Variants in KIAA1549 observed in about 807,000 individuals in gnomAD.
KIAA1549 encodes the protein KIAA1549.
KIAA1549 carries 70 observed loss-of-function variants against 156.4 expected under a neutral mutation model. The ratio of observed to expected loss-of-function variants is 0.45; its 90% CI spans 0.37 to 0.55. KIAA1549 has a LOEUF of 0.55. Ranked by LOEUF, KIAA1549 falls within the 20% of genes least tolerant of loss-of-function variation. KIAA1549 has a pLI of 0.00. For missense variants in KIAA1549, 2,428 were observed against 2,540.9 expected, an observed-to-expected ratio of 0.96 and a Z score of 0.96; for synonymous variants, 1,103 against 1,066.4, an observed-to-expected ratio of 1.03 and a Z score of -0.67.
chr7:138,928,525 G>A (rs966054682), intron 1 of KIAA1549, among the ~76,000 whole-genome samples: 1 of 152,030 alleles, frequency 6.6e-6, no homozygotes, highest in African/African-American at 2.4e-5. Context: ...GACCTCAGGT[G>A]ATCCACCCGC....
intron 1 of KIAA1549, among the ~76,000 whole-genome samples, chr7:138,956,720 G>A (rs1481615647): frequency 1.3e-5 from 2 of 152,142 alleles, no homozygotes; most frequent in East Asian, 1.9e-4. Flanking sequence ...CCAATCTCAG[G>A]TATGTCTTTA....
chr7:138,952,786 G>T (rs1335437448), intron 1 of KIAA1549, among the ~76,000 whole-genome samples: 1 of 152,162 alleles, frequency 6.6e-6, no homozygotes, highest in Non-Finnish European at 1.5e-5. Flanking sequence ...CTATCTAGAA[G>T]GTTCTAGAAG....
At chr7:138,855,163 C>T (rs1374065723) in intron 16 of KIAA1549, among the ~76,000 whole-genome samples, 1 of 152,120 alleles carries the variant, frequency 6.6e-6, no homozygotes, top group Non-Finnish European at 1.5e-5. Context: ...CAATCAGAGA[C>T]CAGCAGTGAA....
intron 10 of KIAA1549, among the ~76,000 whole-genome samples, chr7:138,882,855 C>G (rs1326642192): frequency 2.6e-5 from 4 of 151,998 alleles, no homozygotes; most frequent in Non-Finnish European, 1.5e-5. Flanking sequence ...TCCAGGGATA[C>G]AAGCATCACC....
At chr7:138,963,869 G>A (rs1204364157) in intron 1 of KIAA1549, among the ~76,000 whole-genome samples, 2 of 152,074 alleles carry the variant, frequency 1.3e-5, no homozygotes, top group African/African-American at 4.8e-5. Context: ...AGCAAAAATG[G>A]TATCAAAACC....
chr7:138,887,293 CATAAA>C (rs1184275568), intron 10 of KIAA1549, among the ~76,000 whole-genome samples: 4 of 152,218 alleles, frequency 2.6e-5, no homozygotes, highest in African/African-American at 9.6e-5. Flanking sequence ...TATTTATTTA[CATAAA>C]ATAAATTCAT....
At chr7:138,866,585 C>T (rs1253923596) in intron 15 of KIAA1549, among the ~76,000 whole-genome samples, 8 of 152,288 alleles carry the variant, frequency 5.3e-5, no homozygotes, top group South Asian at 2.1e-4. Flanking sequence ...GAGTTTAGGA[C>T]GCCCTGTGTT....
intron 4 of KIAA1549, 66 bp from the exon 5 acceptor site, chr7:138,909,187 AAG>A: frequency 6.6e-7 from 1 of 1,506,860 alleles, no homozygotes; most frequent in East Asian, 2.4e-5. Flanking sequence ...TTAAGGAATC[AAG>A]AGAGAGAAAC....
intron 1 of KIAA1549, among the ~76,000 whole-genome samples, chr7:138,943,310 T>A (rs1002967225): frequency 2.0e-5 from 3 of 152,088 alleles, no homozygotes; most frequent in Non-Finnish European, 4.4e-5. Context: ...TTTGCCCAAA[T>A]CCCTGCCAGA....
intron 12 of KIAA1549, among the ~76,000 whole-genome samples, 161 bp from the exon 13 acceptor site, chr7:138,871,523 C>G (rs952282182): frequency 6.6e-6 from 1 of 152,138 alleles, no homozygotes; most frequent in African/African-American, 2.4e-5. Flanking sequence ...ACTCTCTGAG[C>G]TTAAATAGTC....
At chr7:138,870,703 G>C (rs571401143) in intron 13 of KIAA1549, among the ~76,000 whole-genome samples, 6 of 152,344 alleles carry the variant, frequency 3.9e-5, no homozygotes, top group African/African-American at 1.4e-4. Context: ...TCTCCAACAA[G>C]CGTGATGTTT....
Position 138,837,806 on chromosome 7 carries a change from G to C in KIAA1549, c.*100C>G. 1 of 1,398,574 alleles carries C rather than the reference G, an allele frequency of 7.2e-7. No individual in the cohort carries two copies. Among genetic ancestry groups the C allele is most frequent in the Non-Finnish European group, 9.7e-7 (1 of 1,035,620 alleles). The allele number at this position is 1,398,574 out of a possible 1,614,324, so 86.6% of individuals were successfully genotyped here. A position where few individuals can be genotyped will look rare whatever the true frequency, so the allele number is the denominator to read the frequency against. ...TCCCTCCCTTGGGCAGGCTGCCCGA[G>C]AGTTGCTCCTTCCTCTTCCAAACAC... On this transcript the variant is annotated 3_prime_UTR_variant, in exon 20 of 20. Coordinates refer to ENST00000422774, the MANE Select transcript of KIAA1549 (RefSeq NM_001164665.2).
At chr7:138,924,657 C>CT (rs1563080366) in intron 1 of KIAA1549, among the ~76,000 whole-genome samples, 5 of 151,782 alleles carry the variant, frequency 3.3e-5, no homozygotes, top group African/African-American at 9.7e-5. Context: ...AGCTGGGATG[C>CT]TTTTTTTTCT....
intron 16 of KIAA1549, among the ~76,000 whole-genome samples, chr7:138,858,888 C>T (rs1025335629): frequency 6.6e-6 from 1 of 151,998 alleles, no homozygotes; most frequent in Non-Finnish European, 1.5e-5. Context: ...TGCCTATAAT[C>T]CCAGCTACTC....
At chr7:138,854,411 A>AG (rs1810322646) in intron 16 of KIAA1549, among the ~76,000 whole-genome samples, 2 of 152,216 alleles carry the variant, frequency 1.3e-5, no homozygotes, top group African/African-American at 4.8e-5. Flanking sequence ...AATACCAACT[A>AG]TCACGTGGCC....
intron 10 of KIAA1549, among the ~76,000 whole-genome samples, chr7:138,888,593 A>G (rs1050137881): frequency 1.4e-4 from 22 of 152,214 alleles, no homozygotes; most frequent in African/African-American, 5.1e-4. Flanking sequence ...TACTAGTCGA[A>G]TATTTTTTCC....
intron 7 of KIAA1549, 56 bp from the exon 8 acceptor site, chr7:138,903,792 AGTGTGTGTGTGT>A (rs55745123): frequency 0.016 from 19,658 of 1,193,712 alleles, 582 homozygotes; most frequent in East Asian, 0.046. Context: ...GTAAAAAAAC[AGTGTGTGTGTGT>A]GTGTGTGTGT....
At position 138,838,472 on chromosome 7, in the gene KIAA1549, C is replaced by T. The variant is rs1005611464; in HGVS notation, c.5599-312G>A. Reference sequence around the variant, plus strand: ...TGCCTCTGCCCTGGACTGGAGCCTACGCAACCATCTTCTGCTTTATCTAGC... The same window carrying T: ...TGCCTCTGCCCTGGACTGGAGCCTATGCAACCATCTTCTGCTTTATCTAGC... On this transcript the variant is annotated intron_variant, in intron 19 of 19. Coordinates refer to ENST00000422774, the MANE Select transcript of KIAA1549 (RefSeq NM_001164665.2). 5.9e-5 allele frequency among the ~76,000 whole-genome samples: 9 copies of T among 152,202 alleles called. No homozygotes were observed. In the South Asian group the frequency reaches 6.2e-4, roughly 11 times the overall value.
At chr7:138,946,392 T>C (rs942256110) in intron 1 of KIAA1549, among the ~76,000 whole-genome samples, 1 of 152,206 alleles carries the variant, frequency 6.6e-6, no homozygotes, top group African/African-American at 2.4e-5. Context: ...TAAACCACTC[T>C]ACTGTCGTGG....
Sources: allele counts gnomAD v4.1 joint callset (sites outside exome capture counted in the v4.1 genomes callset), GRCh38; gene constraint gnomAD v4.1.1; transcripts MANE v1.5; gene names NCBI Gene and HGNC (gene_info 2026-07-23, HGNC 2026-07-21).